The following TRUB1 variants were observed in gnomAD, a reference collection of about 807,000 sequenced individuals.
The protein encoded by TRUB1 is TruB pseudouridine synthase family member 1.
In TRUB1, 23 loss-of-function variants were observed where a neutral mutation model predicts 33.9. The observed-to-expected ratio is 0.68, with a 90% CI of 0.49 to 0.96. The LOEUF (loss-of-function observed/expected upper bound fraction) is 0.96, where lower values mean the gene tolerates loss of function less well. Ranked by LOEUF, TRUB1 falls within the 40% of genes least tolerant of loss-of-function variation. TRUB1 has a pLI of 0.00. For synonymous variants in TRUB1, 163 were observed against 165.4 expected, an observed-to-expected ratio of 0.99 and a Z score of 0.11; for missense variants, 378 against 422.2, an observed-to-expected ratio of 0.90 and a Z score of 0.92.
At chr10:114,939,467 T>C (rs1028550487) in intron 1 of TRUB1, among the ~76,000 whole-genome samples, 5 of 131,336 alleles carry the variant, frequency 3.8e-5, no homozygotes, top group Admixed American at 7.2e-5. Flanking sequence ...GGCCGTATTC[T>C]GTCTCGCCAT....
In TRUB1 at chr10:114,961,530, G is replaced by A. The variant is rs116648859; in HGVS notation, c.523+1723G>A. Among the ~76,000 whole-genome samples, 1,374 of 152,234 alleles carry A rather than the reference G, an allele frequency of 9.0e-3. 12 individuals are homozygous for A. The highest frequency in any genetic ancestry group is 0.031 in the African/African-American group (1,282 of 41,538). Reference sequence around the variant, plus strand: ...TTAGTATTTTAAAAAGCTCTATGCTGTATTAGGTAATTTGTAACCTTATTT... The same window carrying A: ...TTAGTATTTTAAAAAGCTCTATGCTATATTAGGTAATTTGTAACCTTATTT... On this transcript the variant is annotated intron_variant, in intron 4 of 7. Coordinates refer to ENST00000298746, the MANE Select transcript of TRUB1 (RefSeq NM_139169.5).
At position 114,951,992 on chromosome 10, in the gene TRUB1, C is replaced by T. The variant is rs75707210; in HGVS notation, c.441+843C>T. On this transcript the variant is annotated intron_variant, in intron 3 of 7. Transcript: ENST00000298746. ...ACCATTTAAAAAACAATTTCCAGTT[C>T]ATTGCAGACTGATTGATGACTTTTG... Among the ~76,000 whole-genome samples the T allele has an allele frequency of 4.6e-3, 700 of 152,272 alleles. 4 individuals carry two copies. Among genetic ancestry groups the T allele is most frequent in the African/African-American group, 0.015 (644 of 41,550 alleles).
chr10:114,967,336 TTAA>T (rs1444806197), intron 4 of TRUB1, among the ~76,000 whole-genome samples: 1 of 152,188 alleles, frequency 6.6e-6, no homozygotes, highest in African/African-American at 2.4e-5. Context: ...AAACTGTTGC[TTAA>T]TAATTTTGTC....
At position 114,955,558 on chromosome 10, in the gene TRUB1, C is replaced by T. The variant is rs568358984; in HGVS notation, c.442-4168C>T. 8.5e-5 allele frequency among the ~76,000 whole-genome samples: 13 copies of T among 152,234 alleles called. 1 individual carries two copies. The South Asian group carries it at 2.3e-3, about 27-fold the overall frequency. On this transcript the variant is annotated intron_variant, in intron 3 of 7. Coordinates refer to ENST00000298746, the MANE Select transcript of TRUB1 (RefSeq NM_139169.5). ...CTCCTCAGAAGGCAACTTTGTATCC[C>T]CCTCCAGTAGTTAAACAAGTGTCAT...
chr10:114,969,739 T>C (rs1428459274), intron 4 of TRUB1, among the ~76,000 whole-genome samples: 1 of 147,540 alleles, frequency 6.8e-6, no homozygotes, highest in East Asian at 2.0e-4. Context: ...GGAGTGTTCA[T>C]GTAAAACAAG....
chr10:114,975,301 T>G lies in TRUB1; in HGVS notation c.972T>G (p.Ser324=). 6.2e-7 allele frequency: 1 copy of G among 1,613,496 alleles called. No individual in the cohort carries two copies. The highest frequency in any genetic ancestry group is 8.5e-7 in the Non-Finnish European group (1 of 1,179,626). ...CACTTAAAAAATCAAAACCTGAGTCTAATGAACAGGTTTTGAGCTGTGAAT... is the reference window on the plus strand; with the variant it reads ...CACTTAAAAAATCAAAACCTGAGTCGAATGAACAGGTTTTGAGCTGTGAAT... ...ELALKKSKPE[S]NEQVLSCEYI... The change falls in exon 8 of 8, where the codon TCT becomes TCG. Residue 324 remains serine, a synonymous_variant. Coordinates refer to ENST00000298746, the MANE Select transcript of TRUB1 (RefSeq NM_139169.5).
Position 114,975,577 on chromosome 10 carries a change from G to A in TRUB1, c.*198G>A. On this transcript the variant is annotated 3_prime_UTR_variant, in exon 8 of 8. Transcript: ENST00000298746. ...AAATGGCCTTGCAGTTGGCTCAGTT[G>A]TTTGTTGTGTTGTGAAATGTTTTAG... 2.2e-6 allele frequency: 1 copy of A among 450,980 alleles called. No individual in the cohort carries two copies. The highest frequency in any genetic ancestry group is 5.7e-5 in the South Asian group (1 of 17,406). 27.9% of individuals were successfully genotyped at this position (450,980 alleles called of 1,614,324 possible). A position where few individuals can be genotyped will look rare whatever the true frequency, so the allele number is the denominator to read the frequency against.
chr10:114,955,582 A>G (rs1439288829), intron 3 of TRUB1, among the ~76,000 whole-genome samples: 1 of 152,198 alleles, frequency 6.6e-6, no homozygotes, highest in African/African-American at 2.4e-5. Flanking sequence ...AACAAGTGTC[A>G]TCATTGGAGT....
rs758434446 is a variant in TRUB1, at chr10:114,938,338, GCAGCAATGGCTGCGACCCCGT to G, written c.92_112del (p.Met31_Ala37del). The stretch of plus-strand genomic sequence containing the variant: ...TGTCCTTGAAACTGCAGGAACGGTC[GCAGCAATGGCTGCGACCCCGT>G]CAGCAAGGGCTGCAGCCGCGGTGGT... On this transcript the variant is annotated inframe_deletion, in exon 1 of 8. Transcript: ENST00000298746. 24 of 1,610,926 alleles carry G rather than the reference GCAGCAATGGCTGCGACCCCGT, an allele frequency of 1.5e-5. No homozygotes were observed. The highest frequency in any genetic ancestry group is 2.2e-5 in the East Asian group (1 of 44,816).
chr10:114,950,745 C>T (rs114907413), intron 2 of TRUB1, among the ~76,000 whole-genome samples: 4,610 of 152,250 alleles, frequency 0.03, 233 homozygotes, highest in African/African-American at 0.1. Flanking sequence ...CCCACTTGAA[C>T]ATGGTTAATT....
chr10:114,941,338 T>A (rs1592047322), intron 1 of TRUB1, among the ~76,000 whole-genome samples: 2 of 63,584 alleles, frequency 3.1e-5, no homozygotes, highest in African/African-American at 8.2e-5. Context: ...TTGCATTATC[T>A]TTTTTTTTTT....
chr10:114,973,562 T>G (rs915677716), intron 6 of TRUB1, among the ~76,000 whole-genome samples: 1 of 152,128 alleles, frequency 6.6e-6, no homozygotes, highest in African/African-American at 2.4e-5. Context: ...CCAGTAAGAC[T>G]CGAAGCAGCT....
At chr10:114,939,931 A>G (rs983705220) in intron 1 of TRUB1, among the ~76,000 whole-genome samples, 5 of 151,402 alleles carry the variant, frequency 3.3e-5, no homozygotes, top group African/African-American at 1.2e-4. Context: ...CTAAGAACTG[A>G]AGTTTCTTGT....
chr10:114,969,283 A>C (rs1055184272), intron 4 of TRUB1, among the ~76,000 whole-genome samples: 6 of 151,774 alleles, frequency 4.0e-5, no homozygotes, highest in Non-Finnish European at 8.8e-5. Flanking sequence ...AAATACAAAA[A>C]GTAGGCATGT....
intron 3 of TRUB1, among the ~76,000 whole-genome samples, chr10:114,952,139 T>A (rs760416138): frequency 6.6e-6 from 1 of 152,174 alleles, no homozygotes; most frequent in Non-Finnish European, 1.5e-5. Context: ...GTGGTTTAAG[T>A]ATTAAAATAA....
In TRUB1 at chr10:114,968,715, A is replaced by C. The variant is rs74159819; in HGVS notation, c.524-1653A>C. Among the ~76,000 whole-genome samples the C allele has an allele frequency of 6.1e-3, 923 of 152,278 alleles. 9 individuals carry two copies. Among genetic ancestry groups the C allele is most frequent in the African/African-American group, 0.021 (891 of 41,566 alleles). On this transcript the variant is annotated intron_variant, in intron 4 of 7. Transcript: ENST00000298746. ...TGTCTGTTTGAGTCTAGTAGATTCT[A>C]GTCTTTTGTTTGTGTTTAGCTTTTA...
chr10:114,938,757 G>A (rs372564969), intron 1 of TRUB1, among the ~76,000 whole-genome samples: 1 of 152,142 alleles, frequency 6.6e-6, no homozygotes, highest in Non-Finnish European at 1.5e-5. Flanking sequence ...CTCAACGGGA[G>A]GAAAAAAATC....
intron 6 of TRUB1, among the ~76,000 whole-genome samples, chr10:114,973,462 C>A (rs7077957): frequency 0.031 from 4,774 of 152,234 alleles, 246 homozygotes; most frequent in African/African-American, 0.11. Flanking sequence ...GCAGTGGCCC[C>A]CAACCATGAG....
chr10:114,944,968 CAACAA>C (rs1162194941), intron 2 of TRUB1, among the ~76,000 whole-genome samples: 1 of 152,140 alleles, frequency 6.6e-6, no homozygotes, highest in African/African-American at 2.4e-5. Flanking sequence ...AAAACAAGCA[CAACAA>C]AACAAAAACC....
Sources: allele counts gnomAD v4.1 joint callset (sites outside exome capture counted in the v4.1 genomes callset), GRCh38; gene constraint gnomAD v4.1.1; transcripts MANE v1.5; gene names NCBI Gene and HGNC (gene_info 2026-07-23, HGNC 2026-07-21).